HTR7: variants seen among roughly 807,000 people sequenced by gnomAD.
HTR7 encodes the protein 5-HT-7.
HTR7 carries 16 observed loss-of-function variants against 34.0 expected under a neutral mutation model. That is an observed-to-expected ratio of 0.47 (90% CI 0.32 to 0.71). The LOEUF (loss-of-function observed/expected upper bound fraction) is 0.71, where lower values mean the gene tolerates loss of function less well. Ranked by LOEUF, HTR7 falls within the 30% of genes least tolerant of loss-of-function variation. HTR7 has a pLI of 0.04. For synonymous variants in HTR7, 265 were observed against 260.2 expected (o/e 1.02, Z -0.18); for missense variants, 504 against 625.5 (o/e 0.81, Z 2.07).
At chr10:90,856,316 G>A (rs1304250371) in intron 1 of HTR7, among the ~76,000 whole-genome samples, 1 of 152,216 alleles carries the variant, frequency 6.6e-6, no homozygotes, top group Non-Finnish European at 1.5e-5. Flanking sequence ...AATATTTCAA[G>A]GGTCAAAGAC....
At chr10:90,827,192 G>A (rs1021391456) in intron 1 of HTR7, among the ~76,000 whole-genome samples, 41 of 152,030 alleles carry the variant, frequency 2.7e-4, no homozygotes, top group Non-Finnish European at 1.5e-4. Context: ...AATGGCTGAA[G>A]TAAGTCCTTA....
chr10:90,829,078 C>T (rs1182441087), intron 1 of HTR7, among the ~76,000 whole-genome samples: 1 of 152,124 alleles, frequency 6.6e-6, no homozygotes, highest in African/African-American at 2.4e-5. Flanking sequence ...CCCAGGTATG[C>T]AAGCATAGTT....
At chr10:90,802,931 T>C (rs895993158) in intron 1 of HTR7, among the ~76,000 whole-genome samples, 1 of 151,266 alleles carries the variant, frequency 6.6e-6, no homozygotes, top group Non-Finnish European at 1.5e-5. Context: ...GATGACCAGC[T>C]GAGAAACTGA....
Position 90,840,162 on chromosome 10 carries a change from T to TTC in HTR7, c.539+16969_539+16970dup, listed in dbSNP as rs753030195. On this transcript the variant is annotated intron_variant, in intron 1 of 3. Coordinates refer to ENST00000336152, the MANE Select transcript of HTR7 (RefSeq NM_019859.4). ...TCCATCTGTCTGTCTCTCCATCTGT[T>TTC]TCTCTCTCTCTCTCTCACACACACA... 4.3e-3 allele frequency among the ~76,000 whole-genome samples: 603 copies of TTC among 138,756 alleles called. 3 individuals carry two copies. The highest frequency in any genetic ancestry group is 6.8e-3 in the Admixed American group (94 of 13,874). The allele number at this position is 138,756 out of a possible 152,430, so 91.0% of individuals were successfully genotyped here. A position where few individuals can be genotyped will look rare whatever the true frequency, so the allele number is the denominator to read the frequency against.
At chr10:90,849,395 T>TA (rs939202657) in intron 1 of HTR7, among the ~76,000 whole-genome samples, 195 of 149,080 alleles carry the variant, frequency 1.3e-3, no homozygotes, top group African/African-American at 3.0e-3. Flanking sequence ...AACTTAGAAT[T>TA]AAAAAAAAAA....
chr10:90,826,674 A>G (rs2120032533), intron 1 of HTR7, among the ~76,000 whole-genome samples: 1 of 152,334 alleles, frequency 6.6e-6, no homozygotes, highest in African/African-American at 2.4e-5. Flanking sequence ...AGTTTAAAAT[A>G]CTGGGGTAAT....
chr10:90,763,960 T>C (rs913178920), intron 1 of HTR7, among the ~76,000 whole-genome samples: 4 of 152,190 alleles, frequency 2.6e-5, no homozygotes, highest in Admixed American at 2.0e-4. Flanking sequence ...TTATATTCCT[T>C]TGGGTATATA....
intron 1 of HTR7, among the ~76,000 whole-genome samples, chr10:90,847,350 A>G (rs1320149487): frequency 7.6e-6 from 1 of 131,732 alleles, no homozygotes; most frequent in South Asian, 2.5e-4. Context: ...ACATGAGAGG[A>G]AAAAAAAAAG....
intron 1 of HTR7, among the ~76,000 whole-genome samples, chr10:90,799,844 A>C (rs1845598213): frequency 6.6e-6 from 1 of 152,076 alleles, no homozygotes; most frequent in South Asian, 2.1e-4. Context: ...ACCACACTAA[A>C]ACTTAGAGGT....
chr10:90,754,527 C>T (rs1844801192), intron 1 of HTR7, among the ~76,000 whole-genome samples: 1 of 152,078 alleles, frequency 6.6e-6, no homozygotes, highest in Non-Finnish European at 1.5e-5. Flanking sequence ...CAAAATTTTA[C>T]TGTAAAATGC....
chr10:90,761,315 C>T (rs1281814954), intron 1 of HTR7, among the ~76,000 whole-genome samples: 1 of 152,170 alleles, frequency 6.6e-6, no homozygotes, highest in East Asian at 1.9e-4. Context: ...CTCTAAAATA[C>T]TGCAAAGCTT....
chr10:90,780,917 T>C (rs1213913967), intron 1 of HTR7, among the ~76,000 whole-genome samples: 1 of 152,200 alleles, frequency 6.6e-6, no homozygotes, highest in Non-Finnish European at 1.5e-5. Context: ...GTTCCATTGG[T>C]TTGAAGAAGA....
Position 90,857,435 on chromosome 10 carries a change from G to A in HTR7, c.237C>T (p.Val79=). The A allele has an allele frequency of 6.2e-7, 1 of 1,614,006 alleles. No individual in the cohort carries two copies. Among genetic ancestry groups the A allele is most frequent in the Non-Finnish European group, 8.5e-7 (1 of 1,180,030 alleles). ...GGATGGAGCCGATCACAACTTTCTC[G>A]ACTCTGCCGTAGTTGATCTGTTCCC... ...GCGEQINYGR[V]EKVVIGSILT... Residue 79 remains valine, a synonymous_variant, in exon 1 of 4, where the codon GTC becomes GTT. Coordinates refer to ENST00000336152, the MANE Select transcript of HTR7 (RefSeq NM_019859.4). This position sits in a 1 kb window ranked among gnomAD's most constrained non-coding sequence, Gnocchi z 6.5.
intron 1 of HTR7, among the ~76,000 whole-genome samples, chr10:90,791,676 T>A (rs79382707): frequency 0.016 from 2,401 of 152,194 alleles, 79 homozygotes; most frequent in African/African-American, 0.054. Flanking sequence ...AGAGAAGAAT[T>A]TTTAAGGTTA....
intron 1 of HTR7, among the ~76,000 whole-genome samples, chr10:90,824,460 C>A (rs1444021405): frequency 1.3e-5 from 2 of 152,132 alleles, no homozygotes; most frequent in Non-Finnish European, 2.9e-5. Flanking sequence ...GCTGTGGTAG[C>A]CAAGGGGAGG....
intron 2 of HTR7, among the ~76,000 whole-genome samples, chr10:90,746,320 A>G (rs1339581967): frequency 1.3e-5 from 2 of 152,246 alleles, no homozygotes; most frequent in Non-Finnish European, 2.9e-5. Flanking sequence ...TTTATGATCT[A>G]TCTGAATTAT....
At chr10:90,753,993 G>A (rs1446433528) in intron 1 of HTR7, among the ~76,000 whole-genome samples, 1 of 152,002 alleles carries the variant, frequency 6.6e-6, no homozygotes, top group Non-Finnish European at 1.5e-5. Context: ...TACCTGAGAT[G>A]AAGAAATTTT....
chr10:90,755,763 C>T (rs1221728921), intron 1 of HTR7, among the ~76,000 whole-genome samples: 2 of 152,170 alleles, frequency 1.3e-5, no homozygotes, highest in Non-Finnish European at 2.9e-5. Flanking sequence ...GTGATTCTCA[C>T]ACATTACTGG....
At position 90,808,011 on chromosome 10, in the gene HTR7, A is replaced by G. The variant is rs191697503; in HGVS notation, c.539+49122T>C. Among the ~76,000 whole-genome samples, 792 of 152,242 alleles carry G rather than the reference A, an allele frequency of 5.2e-3. 9 individuals are homozygous for G. The highest frequency in any genetic ancestry group is 0.017 in the African/African-American group (714 of 41,534). On this transcript the variant is annotated intron_variant, in intron 1 of 3. Coordinates refer to ENST00000336152, the MANE Select transcript of HTR7 (RefSeq NM_019859.4). ...TCCTTTCATTTTCTGGTAGAGACAA[A>G]GGAGACATGTTTTATCCGTGGACCC...
Sources: allele counts gnomAD v4.1 joint callset (sites outside exome capture counted in the v4.1 genomes callset), GRCh38; gene constraint gnomAD v4.1.1; non-coding constraint Gnocchi (gnomAD v3.1); transcripts MANE v1.5; gene names NCBI Gene and HGNC (gene_info 2026-07-23, HGNC 2026-07-21).